DAPK1: variants seen among roughly 807,000 people sequenced by gnomAD.
DAPK1 encodes death-associated protein kinase 1.
A neutral mutation model predicts 144.9 loss-of-function variants in DAPK1; 56 were observed. The ratio of observed to expected loss-of-function variants is 0.39; its 90% CI spans 0.31 to 0.48. DAPK1 has a LOEUF of 0.48. Among genes scored for constraint, DAPK1 ranks in the 20% least tolerant of loss-of-function variants. DAPK1 has a pLI of 0.95. For synonymous variants in DAPK1, 690 were observed against 749.0 expected (o/e 0.92, Z 1.29); for missense variants, 1,454 against 1,875.4 (o/e 0.78, Z 4.15).
At chr9:87,650,746 T>C (rs979635678) in intron 16 of DAPK1, among the ~76,000 whole-genome samples, 3 of 152,174 alleles carry the variant, frequency 2.0e-5, no homozygotes, top group Admixed American at 1.3e-4. Context: ...CCCAGGGGTG[T>C]TTGATAATGT....
intron 3 of DAPK1, 90 bp from the exon 4 acceptor site, chr9:87,637,853 T>G (rs997447343): frequency 2.1e-6 from 3 of 1,405,576 alleles, no homozygotes; most frequent in Admixed American, 4.0e-5. Flanking sequence ...TGTTTTCTTG[T>G]CTGAAGTTTG....
At chr9:87,701,115 A>G (rs1825439551) in intron 24 of DAPK1, among the ~76,000 whole-genome samples, 1 of 152,230 alleles carries the variant, frequency 6.6e-6, no homozygotes, top group African/African-American at 2.4e-5. Context: ...TAGGAGGAAA[A>G]GCTTAGAGGG....
intron 3 of DAPK1, chr9:87,632,717 T>C (rs914739916): frequency 4.1e-6 from 4 of 979,210 alleles, no homozygotes; most frequent in Non-Finnish European, 4.8e-6. Context: ...AGTATACATG[T>C]AGAGATGAAG....
chr9:87,658,854 A>C (rs1445515464), intron 18 of DAPK1, among the ~76,000 whole-genome samples: 1 of 152,226 alleles, frequency 6.6e-6, no homozygotes, highest in Non-Finnish European at 1.5e-5. Flanking sequence ...TCCTGGACTC[A>C]CAGATGAGAG....
chr9:87,498,966 A>G lies in DAPK1; in HGVS notation c.-108-4A>G, dbSNP rs567070818. 21 of 767,690 alleles carry G rather than the reference A, an allele frequency of 2.7e-5. No homozygotes were observed. The African/African-American group carries it at 2.8e-4, about 10-fold the overall frequency. 47.6% of individuals were successfully genotyped at this position (767,690 alleles called of 1,614,324 possible). ...TATTATTGCCTTTTTTTTTTCTTCA[A>G]AAGGACTGGAGACTGATGCATGAGG... On this transcript the variant is annotated splice_polypyrimidine_tract_variant and splice_region_variant and intron_variant, in intron 1 of 25. Coordinates refer to ENST00000408954, the MANE Select transcript of DAPK1 (RefSeq NM_004938.4).
At chr9:87,504,537 C>T (rs1490147690) in intron 2 of DAPK1, among the ~76,000 whole-genome samples, 1 of 152,138 alleles carries the variant, frequency 6.6e-6, no homozygotes, top group Admixed American at 6.5e-5. Context: ...TGCTCTTTTA[C>T]CCTCAGCTTG....
At chr9:87,523,440 A>T (rs1311687740) in intron 2 of DAPK1, among the ~76,000 whole-genome samples, 2 of 152,000 alleles carry the variant, frequency 1.3e-5, no homozygotes, top group African/African-American at 4.8e-5. Context: ...GGGACCATAG[A>T]CACGAGCCAC....
chr9:87,613,602 G>A (rs945153283), intron 3 of DAPK1, among the ~76,000 whole-genome samples: 5 of 152,208 alleles, frequency 3.3e-5, no homozygotes, highest in African/African-American at 9.7e-5. Flanking sequence ...AACACATGGT[G>A]CCTTGGTCAG....
At chr9:87,601,942 A>G (rs938880936) in intron 2 of DAPK1, among the ~76,000 whole-genome samples, 3 of 152,184 alleles carry the variant, frequency 2.0e-5, no homozygotes, top group South Asian at 2.1e-4. Flanking sequence ...CATGGACTAC[A>G]TGAAGTAGGT....
At chr9:87,660,543 A>G (rs1302935672) in intron 18 of DAPK1, among the ~76,000 whole-genome samples, 2 of 152,178 alleles carry the variant, frequency 1.3e-5, no homozygotes, top group Non-Finnish European at 2.9e-5. Flanking sequence ...GGTATATTAC[A>G]CTGGGGTGAA....
At chr9:87,522,465 A>G (rs927865099) in intron 2 of DAPK1, among the ~76,000 whole-genome samples, 5 of 152,176 alleles carry the variant, frequency 3.3e-5, no homozygotes, top group African/African-American at 7.2e-5. Flanking sequence ...ACCTCATAGC[A>G]TAACTTGAAA....
intron 21 of DAPK1, among the ~76,000 whole-genome samples, chr9:87,696,086 T>G (rs1825248410): frequency 6.6e-6 from 1 of 152,172 alleles, no homozygotes; most frequent in South Asian, 2.1e-4. Flanking sequence ...TGATGGATCT[T>G]TGTTTTTTCC....
At chr9:87,513,832 G>A (rs1824942569) in intron 2 of DAPK1, among the ~76,000 whole-genome samples, 5 of 152,200 alleles carry the variant, frequency 3.3e-5, no homozygotes, top group East Asian at 3.9e-4. Context: ...CCTGTTTTTC[G>A]CCTTGCTTCC....
chr9:87,502,620 C>T (rs1824446376), intron 2 of DAPK1, among the ~76,000 whole-genome samples: 1 of 152,154 alleles, frequency 6.6e-6, no homozygotes, highest in South Asian at 2.1e-4. Context: ...GCCTTCTTTC[C>T]TATTGCACCA....
chr9:87,618,489 AG>A (rs1159042370), intron 3 of DAPK1, among the ~76,000 whole-genome samples: 1 of 152,270 alleles, frequency 6.6e-6, no homozygotes, highest in Non-Finnish European at 1.5e-5. Flanking sequence ...TGAAAGTGGT[AG>A]AAGTATTATT....
intron 3 of DAPK1, among the ~76,000 whole-genome samples, chr9:87,620,779 T>C (rs1587777501): frequency 6.6e-6 from 1 of 151,972 alleles, no homozygotes; most frequent in East Asian, 1.9e-4. Flanking sequence ...AGATTGATTT[T>C]GGAAAAAAAA....
intron 16 of DAPK1, 104 bp from the exon 17 acceptor site, chr9:87,651,423 C>T (rs1163646267): frequency 9.0e-7 from 1 of 1,112,604 alleles, no homozygotes; most frequent in Non-Finnish European, 1.4e-6. Flanking sequence ...TAGTAGTGAT[C>T]TTGTTGCCAA....
chr9:87,580,120 G>A (rs1827699851), intron 2 of DAPK1, among the ~76,000 whole-genome samples: 1 of 152,178 alleles, frequency 6.6e-6, no homozygotes, highest in African/African-American at 2.4e-5. Context: ...TTTAATGGCA[G>A]TGGTTACAGC....
Position 87,706,201 on chromosome 9 carries a change from G to A in DAPK1, c.3130G>A (p.Val1044Ile), listed in dbSNP as rs201573412. The A allele has an allele frequency of 3.3e-5, 53 of 1,612,634 alleles. No homozygotes were observed. The highest frequency in any genetic ancestry group is 3.1e-4 in the African/African-American group (23 of 75,018). The change falls in exon 26 of 26, where the codon GTC becomes ATC. Residue 1044 changes from valine (V) to isoleucine (I), a missense_variant. Around this residue, in one of 2 missense-constraint regions of DAPK1, gnomAD observed 1,025 missense variants for 1,237.9 expected, o/e 0.83. Transcript: ENST00000408954. The surrounding 1 kb of genome is among the most constrained non-coding windows in gnomAD (Gnocchi z 9.0). ...GGACCCCCGCTGGCTCTGCACAAAC[G>A]TCCTGGGGAAGTTGCTGTCCGTGGA... ...LLDPRWLCTN[V>I]LGKLLSVETP...
Sources: allele counts gnomAD v4.1 joint callset (sites outside exome capture counted in the v4.1 genomes callset), GRCh38; gene constraint gnomAD v4.1.1; regional missense constraint gnomAD v4.1.1; non-coding constraint Gnocchi (gnomAD v3.1); transcripts MANE v1.5; gene names NCBI Gene and HGNC (gene_info 2026-07-23, HGNC 2026-07-21).